ENOX1: variants seen among roughly 807,000 people sequenced by gnomAD.
ENOX1 encodes candidate growth-related and time keeping constitutive hydroquinone (NADH) oxidase.
In ENOX1, 42 loss-of-function variants were observed where a neutral mutation model predicts 82.5. The observed-to-expected ratio is 0.51, with a 90% CI of 0.40 to 0.66. The LOEUF (loss-of-function observed/expected upper bound fraction) is 0.66, where lower values mean the gene tolerates loss of function less well. Ranked by LOEUF, ENOX1 falls within the 30% of genes least tolerant of loss-of-function variation. The pLI is 0.00. For synonymous variants in ENOX1, 271 were observed against 282.2 expected, an observed-to-expected ratio of 0.96 and a Z score of 0.40; for missense variants, 608 against 811.6, an observed-to-expected ratio of 0.75 and a Z score of 3.05.
intron 5 of ENOX1, among the ~76,000 whole-genome samples, chr13:43,397,866 C>T (rs982994858): frequency 3.3e-5 from 5 of 152,192 alleles, no homozygotes; most frequent in Admixed American, 3.3e-4. Context: ...GACTAGGTAG[C>T]TTATAAACAA....
chr13:43,708,911 A>C lies in ENOX1; in HGVS notation c.-284-41367T>G, dbSNP rs189967678. Among the ~76,000 whole-genome samples, 336 of 152,370 alleles carry C rather than the reference A, an allele frequency of 2.2e-3. 1 individual carries two copies. The highest frequency in any genetic ancestry group is 3.7e-3 in the Non-Finnish European group (249 of 68,038). On this transcript the variant is annotated intron_variant, in intron 1 of 16. Transcript: ENST00000690772. ...CTGCTCTTCAAAGGACATCATTAAG[A>C]AAATGAAACGGCAAGCCATAGATTC...
chr13:43,671,569 T>G (rs968615407), intron 1 of ENOX1, among the ~76,000 whole-genome samples: 6 of 152,200 alleles, frequency 3.9e-5, no homozygotes, highest in Non-Finnish European at 8.8e-5. Context: ...AAGGTCTCAT[T>G]ACACCATTAC....
chr13:43,531,855 A>C (rs1413084829), intron 2 of ENOX1, among the ~76,000 whole-genome samples: 2 of 149,856 alleles, frequency 1.3e-5, no homozygotes, highest in African/African-American at 4.9e-5. Context: ...GTTCTCACTC[A>C]TAGGTGGGAA....
At chr13:43,706,609 GA>G (rs2087307560) in intron 1 of ENOX1, among the ~76,000 whole-genome samples, 1 of 151,328 alleles carries the variant, frequency 6.6e-6, no homozygotes, top group Non-Finnish European at 1.5e-5. Context: ...AACTGTATCT[GA>G]TTAACAAAAA....
intron 1 of ENOX1, among the ~76,000 whole-genome samples, chr13:43,778,813 G>A (rs900507801): frequency 1.3e-5 from 2 of 152,158 alleles, no homozygotes; most frequent in African/African-American, 2.4e-5. Context: ...GCCCTTTCAG[G>A]GGTGCCAAGT....
chr13:43,718,581 G>A (rs1257010164), intron 1 of ENOX1, among the ~76,000 whole-genome samples: 1 of 150,442 alleles, frequency 6.6e-6, no homozygotes, highest in Admixed American at 6.6e-5. Flanking sequence ...GGAGGCTGAG[G>A]CAGGAGAATG....
chr13:43,554,994 T>C (rs2079369638), intron 2 of ENOX1, among the ~76,000 whole-genome samples: 1 of 152,226 alleles, frequency 6.6e-6, no homozygotes, highest in South Asian at 2.1e-4. Flanking sequence ...AAAGACATTC[T>C]AAAAATACAA....
chr13:43,638,779 G>T (rs955909210), intron 2 of ENOX1, among the ~76,000 whole-genome samples: 2 of 152,312 alleles, frequency 1.3e-5, no homozygotes, highest in Middle Eastern at 3.4e-3. Context: ...TGAAATAACT[G>T]ATGATAAAGG....
intron 7 of ENOX1, 113 bp from the exon 8 acceptor site, chr13:43,356,265 C>G: frequency 1.2e-6 from 1 of 840,748 alleles, no homozygotes; most frequent in South Asian, 1.8e-5. Context: ...GCTGTCACTA[C>G]GGATACATTT....
At chr13:43,727,702 C>T (rs1267146017) in intron 1 of ENOX1, among the ~76,000 whole-genome samples, 4 of 152,142 alleles carry the variant, frequency 2.6e-5, no homozygotes, top group Non-Finnish European at 5.9e-5. Flanking sequence ...CCCTCTACCC[C>T]ACTTTTCCCT....
intron 2 of ENOX1, among the ~76,000 whole-genome samples, chr13:43,641,757 T>C (rs567231159): frequency 6.6e-6 from 1 of 151,922 alleles, no homozygotes; most frequent in African/African-American, 2.4e-5. Flanking sequence ...ATGGTTTGCA[T>C]CTCCTGACCT....
At chr13:43,292,561 G>A (rs2046057092) in intron 12 of ENOX1, among the ~76,000 whole-genome samples, 1 of 151,994 alleles carries the variant, frequency 6.6e-6, no homozygotes, top group African/African-American at 2.4e-5. Flanking sequence ...TTCTGAAGTT[G>A]GCTGGGAGCA....
chr13:43,243,906 C>T (rs1228508877), intron 14 of ENOX1, among the ~76,000 whole-genome samples: 1 of 152,036 alleles, frequency 6.6e-6, no homozygotes, highest in Non-Finnish European at 1.5e-5. Flanking sequence ...TTACACACAG[C>T]ACAAGTCCTG....
chr13:43,331,188 T>C (rs143784473), intron 9 of ENOX1, among the ~76,000 whole-genome samples: 67 of 152,298 alleles, frequency 4.4e-4, no homozygotes, highest in Middle Eastern at 6.8e-3. Context: ...CAGGAATGCA[T>C]GGGAGATGAA....
chr13:43,371,099 G>A (rs911800227), intron 5 of ENOX1, among the ~76,000 whole-genome samples: 1 of 152,058 alleles, frequency 6.6e-6, no homozygotes, highest in Non-Finnish European at 1.5e-5. Flanking sequence ...CTTTCTGTAC[G>A]ATGTTATGTG....
chr13:43,601,366 A>G (rs1432750038), intron 2 of ENOX1, among the ~76,000 whole-genome samples: 1 of 152,076 alleles, frequency 6.6e-6, no homozygotes, highest in African/African-American at 2.4e-5. Flanking sequence ...TCAAGAAGAA[A>G]TTCTGGAGCT....
intron 2 of ENOX1, among the ~76,000 whole-genome samples, chr13:43,611,503 T>C (rs1262035764): frequency 1.3e-5 from 2 of 152,198 alleles, no homozygotes; most frequent in Non-Finnish European, 2.9e-5. Flanking sequence ...ACTTAGATGA[T>C]GATGAAGATC....
In ENOX1 at chr13:43,600,223, C is replaced by G. The variant is rs1037513145; in HGVS notation, c.-219+67256G>C. On this transcript the variant is annotated intron_variant, in intron 2 of 16. Transcript: ENST00000690772. The stretch of plus-strand genomic sequence containing the variant: ...TGGCACAGTGGGATAGAGCATCATG[C>G]TGGCTCTTGTGGTTCTCAATTCCAG... 3.9e-4 allele frequency among the ~76,000 whole-genome samples: 59 copies of G among 152,316 alleles called. 1 individual carries two copies. The highest frequency in any genetic ancestry group is 1.4e-3 in the African/African-American group (57 of 41,568).
At chr13:43,570,105 A>T (rs2080111991) in intron 2 of ENOX1, among the ~76,000 whole-genome samples, 1 of 152,206 alleles carries the variant, frequency 6.6e-6, no homozygotes, top group African/African-American at 2.4e-5. Context: ...TCCATTAGGG[A>T]GAAAAAGGGA....
Sources: allele counts gnomAD v4.1 joint callset (sites outside exome capture counted in the v4.1 genomes callset), GRCh38; gene constraint gnomAD v4.1.1; transcripts MANE v1.5; gene names NCBI Gene and HGNC (gene_info 2026-07-23, HGNC 2026-07-21).